The following FERMT2 variants were observed in gnomAD, a reference collection of about 807,000 sequenced individuals.
The protein encoded by FERMT2 is fermitin family homolog 2.
In FERMT2, 15 loss-of-function variants were observed where a neutral mutation model predicts 82.7. The ratio of observed to expected loss-of-function variants is 0.18; its 90% CI spans 0.12 to 0.28. FERMT2 has a LOEUF of 0.28. Ranked by LOEUF, FERMT2 falls within the 10% of genes least tolerant of loss-of-function variation. The pLI is 1.00. For missense variants in FERMT2, 645 were observed against 809.4 expected (o/e 0.80, Z 2.46); for synonymous variants, 274 against 271.5 (o/e 1.01, Z -0.09).
At chr14:52,909,907 G>C (rs890736470) in intron 3 of FERMT2, among the ~76,000 whole-genome samples, 3 of 152,060 alleles carry the variant, frequency 2.0e-5, no homozygotes, top group Admixed American at 2.0e-4. Flanking sequence ...ACAAAAATTA[G>C]CTGGGCGTGG....
chr14:52,903,916 G>C (rs1257516756), intron 3 of FERMT2, among the ~76,000 whole-genome samples: 1 of 151,850 alleles, frequency 6.6e-6, no homozygotes, highest in Admixed American at 6.6e-5. Flanking sequence ...TGTCTAGGAA[G>C]AAAAAAAGAA....
At position 52,860,028 on chromosome 14, in the gene FERMT2, A is replaced by G. The variant is rs1884822052; in HGVS notation, c.1727+313T>C. ...GAGACAGGGTTTCACCGTGTTAGCC[A>G]GGATGGTCTCTATCTCCTGACCTCG... On this transcript the variant is annotated intron_variant, in intron 13 of 14. Transcript: ENST00000341590. 3.2e-5 allele frequency: 9 copies of G among 280,798 alleles called. No individual in the cohort carries two copies. In the South Asian group the frequency reaches 6.7e-4, roughly 21 times the overall value. 17.4% of individuals were successfully genotyped at this position (280,798 alleles called of 1,614,324 possible). A position where few individuals can be genotyped will look rare whatever the true frequency, so the allele number is the denominator to read the frequency against.
intron 3 of FERMT2, among the ~76,000 whole-genome samples, chr14:52,916,588 C>T (rs1170729600): frequency 6.6e-6 from 1 of 152,138 alleles, no homozygotes; most frequent in African/African-American, 2.4e-5. Context: ...TCAAACTATT[C>T]TGTACAATAC....
chr14:52,861,296 A>G (rs1884921764), intron 12 of FERMT2: 1 of 439,536 alleles, frequency 2.3e-6, no homozygotes, highest in East Asian at 4.2e-5. Context: ...AAATGTTGCT[A>G]AAGAACCTAA....
intron 14 of FERMT2, 160 bp from the exon 15 acceptor site, chr14:52,858,710 C>T (rs1884715905): frequency 1.7e-6 from 1 of 595,132 alleles, no homozygotes; most frequent in East Asian, 2.8e-5. Flanking sequence ...CCTTTAAGTC[C>T]CAAAGAAGAA....
intron 4 of FERMT2, among the ~76,000 whole-genome samples, chr14:52,887,939 A>G (rs1316359872): frequency 6.6e-6 from 1 of 152,198 alleles, no homozygotes; most frequent in Non-Finnish European, 1.5e-5. Flanking sequence ...AAATGAAGAC[A>G]TCACCAAAAC....
intron 3 of FERMT2, among the ~76,000 whole-genome samples, chr14:52,894,870 G>T (rs1281002989): frequency 2.8e-5 from 3 of 108,566 alleles, no homozygotes; most frequent in Non-Finnish European, 5.6e-5. Flanking sequence ...ACAAAAAATT[G>T]CCCTTTATTT....
At chr14:52,946,187 CTT>C (rs1358418741) in intron 2 of FERMT2, among the ~76,000 whole-genome samples, 1 of 151,718 alleles carries the variant, frequency 6.6e-6, no homozygotes, top group African/African-American at 2.4e-5. Flanking sequence ...GGATTTAATA[CTT>C]CTCAATGACC....
chr14:52,936,160 G>A (rs1391261957), intron 2 of FERMT2, among the ~76,000 whole-genome samples: 1 of 152,224 alleles, frequency 6.6e-6, no homozygotes, highest in Non-Finnish European at 1.5e-5. Flanking sequence ...TGGACTTAGA[G>A]AAGTATTAGT....
chr14:52,937,160 TTAAAA>T (rs1448946081), intron 2 of FERMT2, among the ~76,000 whole-genome samples: 1 of 151,998 alleles, frequency 6.6e-6, no homozygotes, highest in East Asian at 1.9e-4. Flanking sequence ...AGACTCTGTC[TTAAAA>T]TAATAATAAT....
chr14:52,912,616 TCTC>T (rs1566746208), intron 3 of FERMT2, among the ~76,000 whole-genome samples: 1 of 151,970 alleles, frequency 6.6e-6, no homozygotes, highest in African/African-American at 2.4e-5. Context: ...TTCAAGCGAT[TCTC>T]CTGCCTCAGC....
chr14:52,945,351 A>T (rs569163571), intron 2 of FERMT2, among the ~76,000 whole-genome samples: 1 of 151,888 alleles, frequency 6.6e-6, no homozygotes, highest in Admixed American at 6.5e-5. Flanking sequence ...CCCAGGTTCA[A>T]GCGATTCTCC....
intron 3 of FERMT2, among the ~76,000 whole-genome samples, chr14:52,897,976 CAAAAAAA>C (rs71125145): frequency 1.1e-5 from 1 of 93,492 alleles, no homozygotes; most frequent in African/African-American, 4.8e-5. Context: ...AACTCCGTCT[CAAAAAAA>C]AAAAAAAAAA....
chr14:52,907,152 A>G (rs145893723), intron 3 of FERMT2, among the ~76,000 whole-genome samples: 1 of 152,274 alleles, frequency 6.6e-6, no homozygotes, highest in East Asian at 1.9e-4. Context: ...AGCTGGAACT[A>G]CAGGTGCATG....
At chr14:52,868,511 G>C (rs7155860) in intron 10 of FERMT2, among the ~76,000 whole-genome samples, 115,215 of 152,120 alleles carry the variant, frequency 0.76, 46,705 homozygotes, top group Non-Finnish European at 0.89. Context: ...ACTGTAAGTG[G>C]TTCTTCCTTG....
intron 2 of FERMT2, among the ~76,000 whole-genome samples, chr14:52,932,291 A>T (rs1889626426): frequency 6.6e-6 from 1 of 152,202 alleles, no homozygotes; most frequent in African/African-American, 2.4e-5. Flanking sequence ...ATGAGGCCAA[A>T]AGACTAATGT....
At chr14:52,905,577 C>T (rs188319507) in intron 3 of FERMT2, among the ~76,000 whole-genome samples, 6 of 152,156 alleles carry the variant, frequency 3.9e-5, no homozygotes, top group African/African-American at 4.8e-5. Flanking sequence ...GATGGAGAGA[C>T]GTGGAAAGAC....
At chr14:52,913,618 A>C (rs945140313) in intron 3 of FERMT2, among the ~76,000 whole-genome samples, 1 of 151,814 alleles carries the variant, frequency 6.6e-6, no homozygotes, top group Non-Finnish European at 1.5e-5. Flanking sequence ...CATTTTGGAA[A>C]TGTCATAAGA....
rs1130597 is a variant in FERMT2, at chr14:52,875,244, C to A, written c.1077G>T (p.Gly359=). The change falls in exon 8 of 15, where the codon GGG becomes GGT. Residue 359 remains glycine (G), a synonymous_variant. Transcript: ENST00000341590. Reference sequence around the variant, plus strand: ...CTACCAAAATTGTTGACGTTTTACCCCCTTCCAGAGTAATCTCCAGGTCTG... The same window carrying A: ...CTACCAAAATTGTTGACGTTTTACCACCTTCCAGAGTAATCTCCAGGTCTG... ...ALSDLEITLE[G]GKTSTILGDI... The A allele has an allele frequency of 1.2e-6, 2 of 1,608,706 alleles. No individual in the cohort carries two copies. The highest frequency in any genetic ancestry group is 1.7e-6 in the Non-Finnish European group (2 of 1,178,330).
Sources: gnomAD v4.1 joint callset for allele counts (sites outside exome capture counted in the v4.1 genomes callset) on GRCh38, gnomAD v4.1.1 for gene constraint, MANE v1.5 for transcripts, NCBI Gene and HGNC (gene_info 2026-07-23, HGNC 2026-07-21) for gene names.